FER: variants seen among roughly 807,000 people sequenced by gnomAD.
FER encodes FER tyrosine kinase.
FER carries 63 observed loss-of-function variants against 111.0 expected under a neutral mutation model. The ratio of observed to expected loss-of-function variants is 0.57; its 90% CI spans 0.46 to 0.70. The LOEUF is 0.70. FER is among the 30% of genes least tolerant of loss of function. The probability of loss-of-function intolerance (pLI) is 0.00; values close to 1 mark genes in which losing one functional copy is unlikely to be tolerated. For missense variants in FER, 914 were observed against 954.0 expected, an observed-to-expected ratio of 0.96 and a Z score of 0.55; for synonymous variants, 327 against 313.9, an observed-to-expected ratio of 1.04 and a Z score of -0.44.
At chr5:108,992,401 A>G (rs561284559) in intron 13 of FER, among the ~76,000 whole-genome samples, 2 of 152,130 alleles carry the variant, frequency 1.3e-5, no homozygotes, top group African/African-American at 4.8e-5. Flanking sequence ...TACACCTCCC[A>G]GACGGGGTGG....
intron 13 of FER, among the ~76,000 whole-genome samples, chr5:109,001,749 C>A (rs1315604398): frequency 6.6e-6 from 1 of 152,116 alleles, no homozygotes; most frequent in Admixed American, 6.5e-5. Context: ...CGTCTTAGCC[C>A]AAAATCTCCT....
intron 13 of FER, among the ~76,000 whole-genome samples, chr5:108,992,937 G>A (rs552743234): frequency 3.3e-5 from 5 of 151,032 alleles, no homozygotes; most frequent in Admixed American, 1.3e-4. Flanking sequence ...CATCTCCGAC[G>A]ATGGGCGGCC....
At chr5:108,820,751 A>C (rs1758753032) in intron 3 of FER, among the ~76,000 whole-genome samples, 1 of 152,178 alleles carries the variant, frequency 6.6e-6, no homozygotes, top group Non-Finnish European at 1.5e-5. Flanking sequence ...CTTTGTCCAC[A>C]TATTATTTTT....
At chr5:108,878,500 T>G in intron 8 of FER, among the ~76,000 whole-genome samples, 1 of 152,160 alleles carries the variant, frequency 6.6e-6, no homozygotes, top group Admixed American at 6.5e-5. Flanking sequence ...TTAACATGTA[T>G]TAAATCTTCT....
chr5:108,900,797 A>G (rs1229691281), intron 10 of FER, among the ~76,000 whole-genome samples: 1 of 152,198 alleles, frequency 6.6e-6, no homozygotes, highest in African/African-American at 2.4e-5. Context: ...ATGTGTAATC[A>G]GGGTTGGGGT....
chr5:109,011,998 C>T (rs2149805262), intron 13 of FER, among the ~76,000 whole-genome samples: 1 of 152,308 alleles, frequency 6.6e-6, no homozygotes, highest in East Asian at 1.9e-4. Context: ...CTTCCCTTTT[C>T]TCCCCAGCAG....
chr5:108,808,185 G>A (rs1340305600), intron 3 of FER, among the ~76,000 whole-genome samples: 1 of 151,950 alleles, frequency 6.6e-6, no homozygotes, highest in Non-Finnish European at 1.5e-5. Flanking sequence ...TTAGTTTTCT[G>A]TCTCAGTGAT....
chr5:108,961,967 G>T (rs555985227), intron 13 of FER, among the ~76,000 whole-genome samples: 24 of 152,128 alleles, frequency 1.6e-4, no homozygotes, highest in Non-Finnish European at 2.6e-4. Flanking sequence ...TTAGTTCATT[G>T]TAATTTCTAT....
intron 2 of FER, chr5:108,782,892 C>T (rs919525849): frequency 6.6e-6 from 1 of 152,208 alleles, no homozygotes; most frequent in Admixed American, 6.5e-5. Flanking sequence ...TATTGAATTA[C>T]TGTTAGCCCT....
chr5:108,984,583 G>T (rs2149729975), intron 13 of FER, among the ~76,000 whole-genome samples: 1 of 151,202 alleles, frequency 6.6e-6, no homozygotes, highest in East Asian at 1.9e-4. Flanking sequence ...TTTACATTCT[G>T]TATTATTCAT....
chr5:109,032,972 A>G (rs1036386008), intron 13 of FER, among the ~76,000 whole-genome samples: 2 of 152,190 alleles, frequency 1.3e-5, no homozygotes, highest in African/African-American at 4.8e-5. Context: ...TTTAACCATT[A>G]GTTTTGAACA....
intron 16 of FER, among the ~76,000 whole-genome samples, chr5:109,075,804 G>A (rs1481630846): frequency 6.6e-6 from 1 of 152,096 alleles, no homozygotes; most frequent in East Asian, 1.9e-4. Flanking sequence ...ATCATAGTTA[G>A]AGCTTGCAAT....
chr5:108,927,385 C>T (rs1052106389), intron 10 of FER, among the ~76,000 whole-genome samples: 2 of 151,470 alleles, frequency 1.3e-5, no homozygotes, highest in East Asian at 1.9e-4. Context: ...CTCAGCCTCC[C>T]GAGTAGCTGG....
At chr5:109,048,484 G>C (rs1459820224) in intron 16 of FER, among the ~76,000 whole-genome samples, 1 of 152,126 alleles carries the variant, frequency 6.6e-6, no homozygotes, top group Non-Finnish European at 1.5e-5. Flanking sequence ...AGGTGATTCT[G>C]GTCTTACTGT....
intron 10 of FER, among the ~76,000 whole-genome samples, chr5:108,933,476 A>G (rs1461717141): frequency 6.6e-6 from 1 of 152,154 alleles, no homozygotes; most frequent in Non-Finnish European, 1.5e-5. Context: ...TACCAGTACC[A>G]TGCTGTTTTG....
rs1275772185 is a variant in FER at position 108,930,333 on chromosome 5, T to C, written c.1237-15797T>C. On this transcript the variant is annotated intron_variant, in intron 10 of 19. Transcript: ENST00000281092. Reference sequence around the variant, plus strand: ...GGCCCTACCCATTAATTCTTTCTTATCCCCTCCCCTCCCCGCCTCCCCTCT... The same window carrying C: ...GGCCCTACCCATTAATTCTTTCTTACCCCCTCCCCTCCCCGCCTCCCCTCT... 3.0e-5 allele frequency among the ~76,000 whole-genome samples: 3 copies of C among 101,244 alleles called. No individual in the cohort carries two copies. The East Asian group carries it at 8.7e-4, about 29-fold the overall frequency. 66.4% of individuals were successfully genotyped at this position (101,244 alleles called of 152,430 possible).
intron 16 of FER, among the ~76,000 whole-genome samples, chr5:109,061,904 A>C (rs1396104526): frequency 6.6e-6 from 1 of 152,214 alleles, no homozygotes; most frequent in Non-Finnish European, 1.5e-5. Context: ...TAAATCCAAA[A>C]TATGTTTTAA....
intron 10 of FER, among the ~76,000 whole-genome samples, chr5:108,906,484 C>T (rs948137604): frequency 6.6e-6 from 1 of 152,002 alleles, no homozygotes; most frequent in South Asian, 2.1e-4. Flanking sequence ...AATTAACTTA[C>T]GACTTATGCA....
At chr5:109,069,404 CT>C (rs1775508216) in intron 16 of FER, among the ~76,000 whole-genome samples, 1 of 152,084 alleles carries the variant, frequency 6.6e-6, no homozygotes, top group Non-Finnish European at 1.5e-5. Context: ...GACAAGAGAT[CT>C]TTAGAGAGTT....
Sources: allele counts gnomAD v4.1 joint callset (sites outside exome capture counted in the v4.1 genomes callset), GRCh38; gene constraint gnomAD v4.1.1; transcripts MANE v1.5; gene names NCBI Gene and HGNC (gene_info 2026-07-23, HGNC 2026-07-21).